KCND3: variants seen among roughly 807,000 people sequenced by gnomAD.
KCND3 encodes A-type voltage-gated potassium channel KCND3.
A neutral mutation model predicts 51.1 loss-of-function variants in KCND3; 9 were observed. The observed-to-expected ratio is 0.18, with a 90% CI of 0.11 to 0.31. KCND3 has a LOEUF of 0.31. KCND3 is among the 10% of genes least tolerant of loss of function. The pLI is 1.00. For missense variants in KCND3, 526 were observed against 903.8 expected (o/e 0.58, Z 5.36); for synonymous variants, 349 against 368.0 (o/e 0.95, Z 0.59).
At chr1:111,955,845 G>A (rs541701737) in intron 2 of KCND3, among the ~76,000 whole-genome samples, 28 of 152,278 alleles carry the variant, frequency 1.8e-4, no homozygotes, top group African/African-American at 5.8e-4. Context: ...GCATGAGGAC[G>A]CCATTTCTGC....
At chr1:111,866,579 AACACACACACACACACACAC>A (rs771342858) in intron 2 of KCND3, among the ~76,000 whole-genome samples, 4 of 126,744 alleles carry the variant, frequency 3.2e-5, no homozygotes, top group Admixed American at 8.2e-5. Context: ...TGTTTCTTTA[AACACACACACACACACACAC>A]ACACACACAC....
chr1:111,781,480 C>A (rs1208972511), intron 3 of KCND3, among the ~76,000 whole-genome samples: 2 of 152,152 alleles, frequency 1.3e-5, no homozygotes, highest in African/African-American at 2.4e-5. Flanking sequence ...AACACATTTA[C>A]AATTGTATAT....
chr1:111,789,053 T>G (rs755594085), intron 2 of KCND3, among the ~76,000 whole-genome samples: 1 of 152,212 alleles, frequency 6.6e-6, no homozygotes, highest in Non-Finnish European at 1.5e-5. Context: ...AGCTGGGATT[T>G]TCAGATGACA....
chr1:111,828,449 A>T (rs2078337), intron 2 of KCND3, among the ~76,000 whole-genome samples: 409 of 152,092 alleles, frequency 2.7e-3, no homozygotes, highest in Middle Eastern at 6.8e-3. Context: ...ATTAGTCACC[A>T]GTGCAAACCC....
At chr1:111,909,877 C>T (rs1670847846) in intron 2 of KCND3, 1 of 152,212 alleles carries the variant, frequency 6.6e-6, no homozygotes, top group African/African-American at 2.4e-5. Flanking sequence ...AATGCATGCC[C>T]ACGTGCCCAC....
At chr1:111,799,549 C>T (rs970753331) in intron 2 of KCND3, among the ~76,000 whole-genome samples, 1 of 152,204 alleles carries the variant, frequency 6.6e-6, no homozygotes, top group African/African-American at 2.4e-5. Flanking sequence ...GGGAACCCTC[C>T]TGTTGTCACT....
intron 2 of KCND3, among the ~76,000 whole-genome samples, chr1:111,863,114 A>T (rs4839179): frequency 0.013 from 1,955 of 152,364 alleles, 17 homozygotes; most frequent in Non-Finnish European, 0.02. Context: ...GGGCAGGGCT[A>T]GGTGCCTTAC....
rs1664238733 is a variant in KCND3, at chr1:111,778,602, A to G, written c.1462-110T>C. 6 of 1,023,352 alleles carry G rather than the reference A, an allele frequency of 5.9e-6. No homozygotes were observed. The South Asian group carries it at 7.8e-5, about 13-fold the overall frequency. 63.4% of individuals were successfully genotyped at this position (1,023,352 alleles called of 1,614,324 possible). ...CTTGATCCCGGCATTCCACCCTTTGAGTCAAACATTCCACCCCTCATTCCC... is the reference window on the plus strand; with the variant it reads ...CTTGATCCCGGCATTCCACCCTTTGGGTCAAACATTCCACCCCTCATTCCC... On this transcript the variant is annotated intron_variant, in intron 5 of 7. Coordinates refer to ENST00000302127, the MANE Select transcript of KCND3 (RefSeq NM_001378969.1).
At chr1:111,960,700 A>G (rs1673601563) in intron 2 of KCND3, among the ~76,000 whole-genome samples, 1 of 152,256 alleles carries the variant, frequency 6.6e-6, no homozygotes, top group African/African-American at 2.4e-5. Context: ...AAGTGTAAAC[A>G]GTGTAAACCC....
chr1:111,771,099 C>T lies in KCND3; in HGVS notation c.*4978G>A, dbSNP rs1023307010. Reference sequence around the variant, plus strand: ...AGCCCCCCAGGACTTGGGTCAGTGCCGTACACTGGTTAGAGTGACATCATC... The same window carrying T: ...AGCCCCCCAGGACTTGGGTCAGTGCTGTACACTGGTTAGAGTGACATCATC... On this transcript the variant is annotated 3_prime_UTR_variant, in exon 8 of 8. Coordinates refer to ENST00000302127, the MANE Select transcript of KCND3 (RefSeq NM_001378969.1). 4 of 152,122 alleles carry T rather than the reference C, an allele frequency of 2.6e-5. No individual in the cohort carries two copies. The highest frequency in any genetic ancestry group is 2.9e-5 in the Non-Finnish European group (2 of 68,024). 9.4% of individuals were successfully genotyped at this position (152,122 alleles called of 1,614,324 possible). A position where few individuals can be genotyped will look rare whatever the true frequency, so the allele number is the denominator to read the frequency against.
chr1:111,838,789 GA>G (rs762659537), intron 2 of KCND3, among the ~76,000 whole-genome samples: 182 of 152,292 alleles, frequency 1.2e-3, no homozygotes, highest in Middle Eastern at 3.4e-3. Flanking sequence ...TGACACTTGG[GA>G]AAAAGGGCTG....
intron 2 of KCND3, among the ~76,000 whole-genome samples, chr1:111,963,804 T>C (rs960544180): frequency 3.3e-5 from 5 of 152,230 alleles, no homozygotes; most frequent in African/African-American, 1.2e-4. Context: ...CTACATGGCC[T>C]TCTGGGGACA....
intron 2 of KCND3, among the ~76,000 whole-genome samples, chr1:111,812,863 C>G (rs530040354): frequency 1.3e-5 from 2 of 152,198 alleles, no homozygotes; most frequent in Admixed American, 6.5e-5. Flanking sequence ...TCCCATCCCT[C>G]GGATTTCTCT....
At chr1:111,796,728 T>C (rs1308761298) in intron 2 of KCND3, among the ~76,000 whole-genome samples, 1 of 152,114 alleles carries the variant, frequency 6.6e-6, no homozygotes, top group Admixed American at 6.5e-5. Flanking sequence ...CCCCTGAACT[T>C]AAAGTTAAAT....
chr1:111,827,348 C>T (rs1424810958), intron 2 of KCND3, among the ~76,000 whole-genome samples: 1 of 152,238 alleles, frequency 6.6e-6, no homozygotes, highest in Non-Finnish European at 1.5e-5. Flanking sequence ...CAAGTAAGCA[C>T]ACCCATGTCC....
At chr1:111,796,174 A>G (rs1665047792) in intron 2 of KCND3, among the ~76,000 whole-genome samples, 1 of 152,168 alleles carries the variant, frequency 6.6e-6, no homozygotes, top group Admixed American at 6.5e-5. Flanking sequence ...TTTGCTGTGT[A>G]GAAGCTCTTT....
At chr1:111,979,036 G>C (rs1237272997) in intron 2 of KCND3, among the ~76,000 whole-genome samples, 1 of 152,176 alleles carries the variant, frequency 6.6e-6, no homozygotes, top group African/African-American at 2.4e-5. Context: ...ACTACTAAAG[G>C]TTTCCTTTCT....
intron 2 of KCND3, among the ~76,000 whole-genome samples, chr1:111,818,577 C>T (rs1442394486): frequency 1.3e-5 from 2 of 152,228 alleles, no homozygotes; most frequent in East Asian, 1.9e-4. Context: ...CCCTTAGAGA[C>T]CAGGCAATGA....
chr1:111,967,153 AC>A lies in KCND3; in HGVS notation c.1106+14467del, dbSNP rs370243195. 3.8e-4 allele frequency among the ~76,000 whole-genome samples: 57 copies of A among 148,608 alleles called. No individual in the cohort carries two copies. In the South Asian group the frequency reaches 0.011, roughly 28 times the overall value. ...GAGATTCCGTCTCAAAAAAAAAAAA[AC>A]AAAAACAAAAAAAAAAACAAAACAA... is the stretch of plus-strand genomic sequence containing the variant. On this transcript the variant is annotated intron_variant, in intron 2 of 7. Transcript: ENST00000302127.
Sources: gnomAD v4.1 joint callset for allele counts (sites outside exome capture counted in the v4.1 genomes callset) on GRCh38, gnomAD v4.1.1 for gene constraint, MANE v1.5 for transcripts, NCBI Gene and HGNC (gene_info 2026-07-23, HGNC 2026-07-21) for gene names.